The following SYNPO2 variants were observed in gnomAD, a reference collection of about 807,000 sequenced individuals.
The protein encoded by SYNPO2 is synaptopodin-2.
In SYNPO2, 56 loss-of-function variants were observed where a neutral mutation model predicts 85.0. The observed-to-expected ratio is 0.66, with a 90% confidence interval of 0.53 to 0.82. SYNPO2 has a LOEUF of 0.82. Ranked by LOEUF, SYNPO2 falls within the 40% of genes least tolerant of loss-of-function variation. SYNPO2 has a pLI of 0.00. For synonymous variants in SYNPO2, 602 were observed against 591.1 expected, an observed-to-expected ratio of 1.02 and a Z score of -0.27; for missense variants, 1,575 against 1,534.2, an observed-to-expected ratio of 1.03 and a Z score of -0.44.
chr4:118,928,151 G>GTA (rs1442953877), intron 1 of SYNPO2, among the ~76,000 whole-genome samples: 1 of 152,218 alleles, frequency 6.6e-6, no homozygotes, highest in Non-Finnish European at 1.5e-5. Context: ...AAGAAGGCAA[G>GTA]TAGGCACAAT....
At chr4:118,893,228 G>A (rs1276983184) in intron 1 of SYNPO2, among the ~76,000 whole-genome samples, 1 of 152,098 alleles carries the variant, frequency 6.6e-6, no homozygotes, top group African/African-American at 2.4e-5. Flanking sequence ...TTAAGTAGGC[G>A]ATATTAAAAA....
chr4:118,898,548 A>G (rs1385483712), intron 1 of SYNPO2, among the ~76,000 whole-genome samples: 1 of 152,234 alleles, frequency 6.6e-6, no homozygotes, highest in East Asian at 1.9e-4. Context: ...CACTTTAGGA[A>G]TTATTTTGTT....
intron 1 of SYNPO2, among the ~76,000 whole-genome samples, chr4:119,014,704 A>C (rs1737461101): frequency 6.6e-6 from 1 of 152,236 alleles, no homozygotes; most frequent in African/African-American, 2.4e-5. Flanking sequence ...GCTTCTATAG[A>C]TCACATACTC....
chr4:118,957,063 A>C (rs1734905362), intron 1 of SYNPO2, among the ~76,000 whole-genome samples: 1 of 151,798 alleles, frequency 6.6e-6, no homozygotes, highest in African/African-American at 2.4e-5. Flanking sequence ...TAAAAAAAAT[A>C]AAAAAAATAA....
chr4:118,941,270 T>G (rs918075725), intron 1 of SYNPO2, among the ~76,000 whole-genome samples: 2 of 152,192 alleles, frequency 1.3e-5, no homozygotes, highest in Non-Finnish European at 2.9e-5. Context: ...TTCCTCATCT[T>G]GAACATCTTT....
At chr4:118,904,106 A>G (rs2149120559) in intron 1 of SYNPO2, among the ~76,000 whole-genome samples, 1 of 151,934 alleles carries the variant, frequency 6.6e-6, no homozygotes, top group South Asian at 2.1e-4. Context: ...TGGACTTTCA[A>G]TATATTAGTC....
chr4:119,031,481 T>C lies in SYNPO2; in HGVS notation c.2706T>C (p.Ser902=). The part of the protein sequence containing the change: ...TVQAHAARAQ[S]PTPSLPASWK... ...AGGCCCACGCTGCTCGAGCTCAGTCTCCCACTCCATCTCTCCCGGCCAGTT... is the reference window on the plus strand; with the variant it reads ...AGGCCCACGCTGCTCGAGCTCAGTCCCCCACTCCATCTCTCCCGGCCAGTT... Residue 902 remains serine, a synonymous_variant, in exon 4 of 5, where the codon TCT becomes TCC. Transcript: ENST00000307142. 6.2e-7 allele frequency: 1 copy of C among 1,614,096 alleles called. No individual in the cohort carries two copies. Among genetic ancestry groups the C allele is most frequent in the Admixed American group, 1.7e-5 (1 of 60,020 alleles).
chr4:118,958,288 C>A (rs538008876), intron 1 of SYNPO2, among the ~76,000 whole-genome samples: 1 of 151,952 alleles, frequency 6.6e-6, no homozygotes, highest in Non-Finnish European at 1.5e-5. Context: ...GGGTTGGGGG[C>A]GGGGTGATTT....
At chr4:118,898,705 C>T (rs918440391) in intron 1 of SYNPO2, among the ~76,000 whole-genome samples, 1 of 152,146 alleles carries the variant, frequency 6.6e-6, no homozygotes, top group African/African-American at 2.4e-5. Flanking sequence ...CCTTAGCTGC[C>T]ACCCTGCAGT....
At chr4:118,969,771 GTT>G (rs58713974) in intron 1 of SYNPO2, among the ~76,000 whole-genome samples, 9 of 141,620 alleles carry the variant, frequency 6.4e-5, no homozygotes, top group Admixed American at 7.1e-5. Flanking sequence ...TGATTACAAG[GTT>G]TTTTTTTTTT....
intron 1 of SYNPO2, among the ~76,000 whole-genome samples, chr4:118,925,990 T>G (rs955111573): frequency 1.3e-5 from 2 of 152,096 alleles, no homozygotes; most frequent in African/African-American, 4.8e-5. Flanking sequence ...ACATGGATCC[T>G]GCCTCCAAAA....
At chr4:118,866,850 C>T (rs1437487316) in intron 1 of SYNPO2, among the ~76,000 whole-genome samples, 1 of 152,144 alleles carries the variant, frequency 6.6e-6, no homozygotes, top group Non-Finnish European at 1.5e-5. Flanking sequence ...GAACTGTAAG[C>T]CTATTAAACC....
chr4:119,022,512 G>GTTTTTT lies in SYNPO2; in HGVS notation c.106-897_106-892dup, dbSNP rs778146297. ...GGGCTAATTTTTGCATTTTTTGTAG[G>GTTTTTT]TTTTTTTTTTTTTTTTTTTTTTTTT... On this transcript the variant is annotated intron_variant, in intron 1 of 4. Transcript: ENST00000307142. 6.1e-4 allele frequency among the ~76,000 whole-genome samples: 53 copies of GTTTTTT among 87,124 alleles called. 4 individuals carry two copies. The highest frequency in any genetic ancestry group is 2.0e-3 in the African/African-American group (49 of 24,012). 57.2% of individuals were successfully genotyped at this position (87,124 alleles called of 152,430 possible).
chr4:118,851,496 A>T (rs56212146), intron 1 of SYNPO2, among the ~76,000 whole-genome samples: 1 of 152,162 alleles, frequency 6.6e-6, no homozygotes, highest in Non-Finnish European at 1.5e-5. Context: ...TCAAAAAAAA[A>T]CAAAAAACAA....
intron 4 of SYNPO2, chr4:119,036,837 G>C: frequency 9.4e-7 from 1 of 1,069,224 alleles, no homozygotes; most frequent in Non-Finnish European, 1.1e-6. Flanking sequence ...ATTGAATAAA[G>C]AGAAATTTAA....
chr4:119,008,865 C>A (rs1737183288), intron 1 of SYNPO2, among the ~76,000 whole-genome samples: 1 of 151,994 alleles, frequency 6.6e-6, no homozygotes, highest in South Asian at 2.1e-4. Flanking sequence ...ATATTATTTA[C>A]AACTAATTTA....
chr4:118,917,015 C>T (rs1418954604), intron 1 of SYNPO2, among the ~76,000 whole-genome samples: 1 of 152,086 alleles, frequency 6.6e-6, no homozygotes, highest in African/African-American at 2.4e-5. Context: ...GATTACAGGC[C>T]TGAGCCACCG....
intron 1 of SYNPO2, among the ~76,000 whole-genome samples, chr4:119,019,087 GA>G (rs914103946): frequency 1.2e-4 from 19 of 152,096 alleles, no homozygotes; most frequent in African/African-American, 3.9e-4. Flanking sequence ...GGAGGGAGAA[GA>G]GCAGAAAAGA....
chr4:118,946,926 G>A (rs1361713570), intron 1 of SYNPO2, among the ~76,000 whole-genome samples: 1 of 152,196 alleles, frequency 6.6e-6, no homozygotes, highest in African/African-American at 2.4e-5. Context: ...TTTGGGTCAA[G>A]CCCTTTGAAT....
Sources: gnomAD v4.1 joint callset for allele counts (sites outside exome capture counted in the v4.1 genomes callset) on GRCh38, gnomAD v4.1.1 for gene constraint, MANE v1.5 for transcripts, NCBI Gene and HGNC (gene_info 2026-07-23, HGNC 2026-07-21) for gene names.